SCD5: variants seen among roughly 807,000 people sequenced by gnomAD.
The protein encoded by SCD5 is stearoyl-CoA desaturase 5, also known as acyl-CoA-desaturase 4.
Under a neutral mutation model 30.4 loss-of-function variants are expected in SCD5, and 20 were observed. That is an observed-to-expected ratio of 0.66 (90% confidence interval 0.46 to 0.96). The LOEUF (loss-of-function observed/expected upper bound fraction) is 0.96. Among genes scored for constraint, SCD5 ranks in the 40% least tolerant of loss-of-function variants. The pLI, the probability that SCD5 is intolerant of heterozygous loss-of-function variation, is 0.00. For synonymous variants in SCD5, 173 were observed against 176.4 expected, an observed-to-expected ratio of 0.98 and a Z score of 0.16; for missense variants, 381 against 443.3, an observed-to-expected ratio of 0.86 and a Z score of 1.26.
intron 1 of SCD5, among the ~76,000 whole-genome samples, chr4:82,717,422 G>A (rs946343046): frequency 6.6e-6 from 1 of 151,696 alleles, no homozygotes; most frequent in Non-Finnish European, 1.5e-5. Flanking sequence ...TCACCATTAG[G>A]GAAAATTGAG....
chr4:82,731,435 G>A (rs755553304), intron 1 of SCD5, among the ~76,000 whole-genome samples: 2 of 152,114 alleles, frequency 1.3e-5, no homozygotes, highest in Non-Finnish European at 2.9e-5. Context: ...TTCCTGCCTC[G>A]GGGCAATGAG....
intron 2 of SCD5, among the ~76,000 whole-genome samples, chr4:82,704,510 G>A (rs1327021749): frequency 6.6e-6 from 1 of 152,158 alleles, no homozygotes; most frequent in Non-Finnish European, 1.5e-5. Flanking sequence ...TCTAGGACTG[G>A]GATAGTCTTA....
intron 1 of SCD5, among the ~76,000 whole-genome samples, chr4:82,769,528 A>AACTGG: frequency 6.6e-6 from 1 of 152,270 alleles, no homozygotes; most frequent in East Asian, 1.9e-4. Flanking sequence ...TTCAGTATTG[A>AACTGG]ACTGGGGAAA....
chr4:82,721,173 AAAACAAAC>A (rs138739681), intron 1 of SCD5, among the ~76,000 whole-genome samples: 1 of 152,150 alleles, frequency 6.6e-6, no homozygotes, highest in African/African-American at 2.4e-5. Context: ...AACAAAAACA[AAAACAAAC>A]AAACAAACAA....
intron 1 of SCD5, among the ~76,000 whole-genome samples, chr4:82,718,165 T>C (rs987927012): frequency 4.6e-5 from 7 of 151,100 alleles, no homozygotes; most frequent in Non-Finnish European, 1.0e-4. Context: ...ACAGAAGAGC[T>C]GGCAGGCACC....
chr4:82,692,450 C>T (rs1719560315), intron 2 of SCD5: 1 of 153,270 alleles, frequency 6.5e-6, no homozygotes, highest in African/African-American at 2.4e-5. Flanking sequence ...ACACACCCCA[C>T]CATGGCCAAA....
chr4:82,725,845 A>G (rs765149080), intron 1 of SCD5, among the ~76,000 whole-genome samples: 8 of 149,002 alleles, frequency 5.4e-5, no homozygotes, highest in Non-Finnish European at 8.9e-5. Flanking sequence ...GGGTGATGGG[A>G]GTGAACTCTG....
intron 1 of SCD5, among the ~76,000 whole-genome samples, chr4:82,785,395 CA>C (rs1215127060): frequency 6.6e-6 from 1 of 152,214 alleles, no homozygotes; most frequent in African/African-American, 2.4e-5. Context: ...AAGGAATCTA[CA>C]TAACAAGCCT....
intron 1 of SCD5, among the ~76,000 whole-genome samples, chr4:82,716,468 TTGTGGATTCAACTGTGGATTCACC>T (rs1483941587): frequency 1.3e-5 from 2 of 151,838 alleles, no homozygotes; most frequent in Non-Finnish European, 2.9e-5. Context: ...GGTGCCACAT[TTGTGGATTCAACTGTGGATTCACC>T]TGTGGATTCA....
At chr4:82,711,812 T>C (rs1720094385) in intron 1 of SCD5, among the ~76,000 whole-genome samples, 1 of 152,118 alleles carries the variant, frequency 6.6e-6, no homozygotes, top group Non-Finnish European at 1.5e-5. Context: ...GCCTTGTTCA[T>C]TCTCTGGATT....
chr4:82,731,731 C>T (rs1227985285), intron 1 of SCD5, among the ~76,000 whole-genome samples: 1 of 152,168 alleles, frequency 6.6e-6, no homozygotes, highest in African/African-American at 2.4e-5. Flanking sequence ...TCCCATCACA[C>T]CCCACCCACT....
intron 1 of SCD5, among the ~76,000 whole-genome samples, chr4:82,751,336 C>A (rs1362877750): frequency 2.0e-5 from 3 of 152,164 alleles, no homozygotes; most frequent in African/African-American, 7.2e-5. Context: ...GCTAGGACTA[C>A]AGGCATGCAC....
intron 3 of SCD5, among the ~76,000 whole-genome samples, chr4:82,651,383 G>A (rs1255732962): frequency 6.6e-6 from 1 of 151,980 alleles, no homozygotes; most frequent in Non-Finnish European, 1.5e-5. Context: ...ACCAAACGTC[G>A]TATGTTCTCA....
chr4:82,727,318 A>T (rs1312181034), intron 1 of SCD5, among the ~76,000 whole-genome samples: 1 of 152,210 alleles, frequency 6.6e-6, no homozygotes, highest in Non-Finnish European at 1.5e-5. Context: ...CTATACTAAG[A>T]GTATGTATGC....
chr4:82,746,384 T>C (rs1234429519), intron 1 of SCD5, among the ~76,000 whole-genome samples: 1 of 152,250 alleles, frequency 6.6e-6, no homozygotes, highest in Non-Finnish European at 1.5e-5. Context: ...TCCATAAATG[T>C]GTCTTTCCTG....
intron 1 of SCD5, among the ~76,000 whole-genome samples, chr4:82,770,765 C>G (rs1721603625): frequency 6.6e-6 from 1 of 152,180 alleles, no homozygotes; most frequent in African/African-American, 2.4e-5. Context: ...TTTTCCCAGT[C>G]CAGGAAACAA....
chr4:82,648,515 AAAC>A, intron 3 of SCD5, among the ~76,000 whole-genome samples: 2 of 101,192 alleles, frequency 2.0e-5, no homozygotes, highest in South Asian at 8.3e-4. Context: ...TGATCTCGAG[AAAC>A]AACAGTGGAT....
chr4:82,737,076 T>C (rs180693028), intron 1 of SCD5, among the ~76,000 whole-genome samples: 2 of 152,232 alleles, frequency 1.3e-5, no homozygotes, highest in Non-Finnish European at 1.5e-5. Context: ...AAGGATATGA[T>C]GTTCCATGGT....
chr4:82,786,878 T>C (rs138493273), intron 1 of SCD5, among the ~76,000 whole-genome samples: 31 of 152,106 alleles, frequency 2.0e-4, no homozygotes, highest in Non-Finnish European at 3.7e-4. Flanking sequence ...TTACCTTAAG[T>C]AGGCATTGTA....
Sources: allele counts gnomAD v4.1 joint callset (sites outside exome capture counted in the v4.1 genomes callset), GRCh38; gene constraint gnomAD v4.1.1; transcripts MANE v1.5; gene names NCBI Gene and HGNC (gene_info 2026-07-23, HGNC 2026-07-21).